Variants in DLC1 observed in about 807,000 individuals in gnomAD.
The protein encoded by DLC1 is DLC1 Rho GTPase activating protein.
Under a neutral mutation model 140.3 loss-of-function variants are expected in DLC1, and 54 were observed. The observed-to-expected ratio is 0.38, with a 90% CI of 0.31 to 0.48. The LOEUF is 0.48. DLC1 is among the 20% of genes least tolerant of loss of function. The probability of loss-of-function intolerance (pLI) is 0.96; values close to 1 mark genes in which losing one functional copy is unlikely to be tolerated. For missense variants in DLC1, 2,536 were observed against 1,907.0 expected (o/e 1.33, Z -6.14); for synonymous variants, 986 against 728.1 (o/e 1.35, Z -5.70).
At chr8:13,450,475 AG>A (rs1224428301) in intron 2 of DLC1, among the ~76,000 whole-genome samples, 12 of 149,262 alleles carry the variant, frequency 8.0e-5, no homozygotes, top group Admixed American at 1.3e-4. Context: ...AAAAAAAAAA[AG>A]GCCGAAGAGA....
chr8:13,195,223 A>G (rs1019015499), intron 5 of DLC1, among the ~76,000 whole-genome samples: 1 of 152,128 alleles, frequency 6.6e-6, no homozygotes, highest in Non-Finnish European at 1.5e-5. Flanking sequence ...ATTTATCACC[A>G]ATTAGCCCTG....
At chr8:13,477,066 A>C (rs1051997663) in intron 2 of DLC1, among the ~76,000 whole-genome samples, 1 of 152,128 alleles carries the variant, frequency 6.6e-6, no homozygotes, top group African/African-American at 2.4e-5. Context: ...GCATCTATTC[A>C]CCCATCCGTC....
At chr8:13,374,061 T>G (rs892932366) in intron 4 of DLC1, among the ~76,000 whole-genome samples, 3 of 152,206 alleles carry the variant, frequency 2.0e-5, no homozygotes, top group Non-Finnish European at 2.9e-5. Context: ...ACTCATAATG[T>G]GATATTTTCT....
intron 5 of DLC1, among the ~76,000 whole-genome samples, chr8:13,134,373 C>T (rs1822394647): frequency 6.6e-6 from 1 of 152,104 alleles, no homozygotes; most frequent in Non-Finnish European, 1.5e-5. Flanking sequence ...CTGGGAGATA[C>T]AGAAGTGAGC....
rs748128616 is a variant in DLC1 at position 13,567,308 on chromosome 8, A to G, written c.-126+37229T>C. On this transcript the variant is annotated intron_variant, in intron 1 of 1. Coordinates refer to the DLC1 transcript ENST00000631382. ...TTTGAACGGCACCAACCAGACACCAAACTTCCAACAGAAATCACTCGGGTA... is the reference window on the plus strand; with the variant it reads ...TTTGAACGGCACCAACCAGACACCAGACTTCCAACAGAAATCACTCGGGTA... The G allele has an allele frequency of 9.4e-5, 146 of 1,551,652 alleles. 1 individual carries two copies. The highest frequency in any genetic ancestry group is 1.2e-4 in the Non-Finnish European group (140 of 1,147,042).
At chr8:13,161,596 C>T (rs182645094) in intron 5 of DLC1, among the ~76,000 whole-genome samples, 99 of 152,306 alleles carry the variant, frequency 6.5e-4, no homozygotes, top group African/African-American at 2.2e-3. Context: ...TTTAGCCTCC[C>T]AAAGTCTTGG....
intron 5 of DLC1, among the ~76,000 whole-genome samples, chr8:13,125,902 C>A (rs545104567): frequency 6.6e-6 from 1 of 152,044 alleles, no homozygotes; most frequent in Non-Finnish European, 1.5e-5. Flanking sequence ...GGAGGAAACA[C>A]TGGGAGACAG....
rs538033907 is a variant in DLC1 at position 13,428,078 on chromosome 8, A to G, written c.1024-26459T>C. The stretch of plus-strand genomic sequence containing the variant: ...AGTTGAGGGCTTGGGAATGAAAGGC[A>G]TTTTGTTTTGCTTGGGAGTCTTAAT... On this transcript the variant is annotated intron_variant, in intron 2 of 17. Coordinates refer to ENST00000276297, the MANE Select transcript of DLC1 (RefSeq NM_182643.3). Among the ~76,000 whole-genome samples the G allele has an allele frequency of 1.7e-4, 26 of 152,160 alleles. No individual in the cohort carries two copies. In the East Asian group the frequency reaches 5.0e-3, roughly 30 times the overall value.
chr8:13,276,415 C>T, intron 5 of DLC1: 2 of 1,462,644 alleles, frequency 1.4e-6, no homozygotes, highest in Non-Finnish European at 9.0e-7. Context: ...TCGCAGACGC[C>T]TTCAGCGCAG....
intron 2 of DLC1, among the ~76,000 whole-genome samples, chr8:13,497,984 C>G (rs147675241): frequency 1.3e-5 from 2 of 152,250 alleles, no homozygotes; most frequent in African/African-American, 4.8e-5. Flanking sequence ...AACCAGATTT[C>G]TTCACTACAA....
chr8:13,088,782 T>A (rs1371279829), intron 15 of DLC1, 78 bp from the exon 16 acceptor site: 4 of 1,264,060 alleles, frequency 3.2e-6, no homozygotes, highest in Non-Finnish European at 4.5e-6. Flanking sequence ...TTAGTTAGAC[T>A]AACAATTTTA....
At chr8:13,381,584 G>T (rs1247800873) in intron 4 of DLC1, among the ~76,000 whole-genome samples, 1 of 152,204 alleles carries the variant, frequency 6.6e-6, no homozygotes, top group Non-Finnish European at 1.5e-5. Flanking sequence ...GAGGAACAAA[G>T]CTTCTATGAC....
At chr8:13,171,397 T>G (rs1329490583) in intron 5 of DLC1, among the ~76,000 whole-genome samples, 1 of 152,120 alleles carries the variant, frequency 6.6e-6, no homozygotes, top group Non-Finnish European at 1.5e-5. Flanking sequence ...CTTTTACTTA[T>G]TTAGTGACAG....
chr8:13,219,598 C>A (rs909074550), intron 5 of DLC1, among the ~76,000 whole-genome samples: 12 of 151,456 alleles, frequency 7.9e-5, no homozygotes, highest in Non-Finnish European at 1.8e-4. Flanking sequence ...CAGAAGCCCA[C>A]CTTCTTCAAA....
intron 10 of DLC1, among the ~76,000 whole-genome samples, chr8:13,097,087 T>C (rs1818560260): frequency 6.6e-6 from 1 of 152,168 alleles, no homozygotes; most frequent in South Asian, 2.1e-4. Context: ...AAAGTAATTA[T>C]GAACAATTTG....
intron 5 of DLC1, among the ~76,000 whole-genome samples, chr8:13,190,596 T>C (rs1352041915): frequency 6.6e-6 from 1 of 152,178 alleles, no homozygotes; most frequent in African/African-American, 2.4e-5. Context: ...CATAAATAGG[T>C]AGCAAATAAT....
intron 5 of DLC1, among the ~76,000 whole-genome samples, chr8:13,190,993 G>T (rs1011111400): frequency 6.6e-6 from 1 of 152,052 alleles, no homozygotes; most frequent in Non-Finnish European, 1.5e-5. Context: ...GTATGTGTTT[G>T]GGGGAGTGCT....
intron 2 of DLC1, among the ~76,000 whole-genome samples, chr8:13,414,515 C>G (rs1046298021): frequency 1.3e-5 from 2 of 152,156 alleles, no homozygotes; most frequent in African/African-American, 4.8e-5. Context: ...ATAGATTGCA[C>G]AAATTCCTGA....
chr8:13,297,873 TTTG>T (rs1554491964), intron 5 of DLC1, among the ~76,000 whole-genome samples: 3 of 151,900 alleles, frequency 2.0e-5, no homozygotes, highest in African/African-American at 7.3e-5. Flanking sequence ...TTAGTTTTTT[TTTG>T]TTGTTGTTGT....
Sources: gnomAD v4.1 joint callset for allele counts (sites outside exome capture counted in the v4.1 genomes callset) on GRCh38, gnomAD v4.1.1 for gene constraint, MANE v1.5 for transcripts, NCBI Gene and HGNC (gene_info 2026-07-23, HGNC 2026-07-21) for gene names.